The following MAP2 variants were observed in gnomAD, a reference collection of about 807,000 sequenced individuals.
MAP2 encodes microtubule associated protein 2.
A neutral mutation model predicts 137.6 loss-of-function variants in MAP2; 14 were observed. That is an observed-to-expected ratio of 0.10 (90% confidence interval 0.07 to 0.16). The LOEUF is 0.16. MAP2 is among the 10% of genes least tolerant of loss of function. The pLI, the probability that MAP2 is intolerant of heterozygous loss-of-function variation, is 1.00. For synonymous variants in MAP2, 786 were observed against 782.3 expected (o/e 1.00, Z -0.08); for missense variants, 2,088 against 2,191.5 (o/e 0.95, Z 0.94).
At chr2:209,560,389 A>T (rs530759051) in intron 2 of MAP2, among the ~76,000 whole-genome samples, 1 of 152,204 alleles carries the variant, frequency 6.6e-6, no homozygotes, top group Admixed American at 6.5e-5. Context: ...AAGATTTTTT[A>T]AAATTGCAAA....
chr2:209,458,556 T>G (rs538933379), intron 1 of MAP2, among the ~76,000 whole-genome samples: 1 of 152,132 alleles, frequency 6.6e-6, no homozygotes, highest in African/African-American at 2.4e-5. Flanking sequence ...TATTGAGAGA[T>G]AGTTGAGACT....
intron 2 of MAP2, among the ~76,000 whole-genome samples, chr2:209,537,524 G>A (rs2066162629): frequency 6.6e-6 from 1 of 152,104 alleles, no homozygotes; most frequent in Admixed American, 6.5e-5. Context: ...TCTGGATAAT[G>A]CAATTAATTA....
chr2:209,546,861 T>C (rs2068178093), intron 2 of MAP2, among the ~76,000 whole-genome samples: 1 of 152,186 alleles, frequency 6.6e-6, no homozygotes, highest in African/African-American at 2.4e-5. Context: ...GTATTGTCTT[T>C]GAGTAAAACA....
rs924017479 is a variant in MAP2 at position 209,710,224 on chromosome 2, C to A, written c.5043C>A (p.Asp1681Glu). The part of the protein sequence containing the change: ...KNVKSKIGST[D>E]NIKYQPKGGQ... ...TCAAATCCAAAATCGGATCAACAGACAACATCAAATACCAGCCTAAAGGGG... is the reference window on the plus strand; with the variant it reads ...TCAAATCCAAAATCGGATCAACAGAAAACATCAAATACCAGCCTAAAGGGG... Residue 1681 changes from aspartate (D) to glutamate (E), a missense_variant, in exon 13 of 16, where the codon GAC becomes GAA. Coordinates refer to ENST00000682079, the MANE Select transcript of MAP2 (RefSeq NM_001375505.1). The A allele has an allele frequency of 1.9e-6, 3 of 1,593,372 alleles. No individual in the cohort carries two copies. The South Asian group carries it at 3.4e-5, about 18-fold the overall frequency.
At chr2:209,457,673 G>A (rs768308184) in intron 1 of MAP2, among the ~76,000 whole-genome samples, 13 of 152,120 alleles carry the variant, frequency 8.5e-5, no homozygotes, top group Non-Finnish European at 1.3e-4. Flanking sequence ...GTACTTCATA[G>A]GATTGTTGGA....
At chr2:209,625,706 C>G (rs936965527) in intron 4 of MAP2, among the ~76,000 whole-genome samples, 1 of 152,030 alleles carries the variant, frequency 6.6e-6, no homozygotes, top group Non-Finnish European at 1.5e-5. Context: ...TCAGACTTTC[C>G]TACATTTTGA....
intron 3 of MAP2, among the ~76,000 whole-genome samples, chr2:209,582,327 A>T (rs112326075): frequency 3.9e-5 from 6 of 152,102 alleles, no homozygotes; most frequent in African/African-American, 1.4e-4. Flanking sequence ...CAAACCATGT[A>T]TAGAAATTTC....
intron 2 of MAP2, among the ~76,000 whole-genome samples, chr2:209,513,691 G>A (rs896516470): frequency 1.3e-5 from 2 of 151,952 alleles, no homozygotes; most frequent in African/African-American, 4.8e-5. Flanking sequence ...CTTCCAGTGG[G>A]TAGTATTTTT....
intron 5 of MAP2, among the ~76,000 whole-genome samples, chr2:209,654,407 C>T (rs1166720737): frequency 6.6e-6 from 1 of 151,990 alleles, no homozygotes; most frequent in East Asian, 1.9e-4. Context: ...GTGCAGTGCC[C>T]CACAGGCACA....
At chr2:209,516,400 G>T (rs545829453) in intron 2 of MAP2, among the ~76,000 whole-genome samples, 1 of 152,056 alleles carries the variant, frequency 6.6e-6, no homozygotes, top group South Asian at 2.1e-4. Flanking sequence ...TAGCTCTCTG[G>T]TACAATACTA....
chr2:209,466,936 TC>T (rs1704276681), intron 1 of MAP2, among the ~76,000 whole-genome samples: 2 of 152,190 alleles, frequency 1.3e-5, no homozygotes, highest in African/African-American at 4.8e-5. Context: ...TACTAACATT[TC>T]CAGTTGCCCA....
At chr2:209,692,538 CATTT>C (rs1355558480) in intron 7 of MAP2, 83 bp from the exon 8 acceptor site, 24 of 1,421,020 alleles carry the variant, frequency 1.7e-5, no homozygotes, top group African/African-American at 1.3e-4. Flanking sequence ...TTCTACCATT[CATTT>C]ATCACTTCAA....
At chr2:209,661,163 G>A (rs538414562) in intron 5 of MAP2, among the ~76,000 whole-genome samples, 5 of 152,130 alleles carry the variant, frequency 3.3e-5, no homozygotes, top group Non-Finnish European at 5.9e-5. Flanking sequence ...TTCAATCTCA[G>A]AAGATTCAAA....
At chr2:209,600,516 A>C (rs1041668474) in intron 3 of MAP2, among the ~76,000 whole-genome samples, 1 of 152,174 alleles carries the variant, frequency 6.6e-6, no homozygotes, top group African/African-American at 2.4e-5. Context: ...TACCATCAGC[A>C]CATATTCGGG....
chr2:209,565,857 C>T (rs928860461), intron 2 of MAP2, among the ~76,000 whole-genome samples: 1 of 152,158 alleles, frequency 6.6e-6, no homozygotes, highest in African/African-American at 2.4e-5. Context: ...GTTATTTGCT[C>T]ATCGGGTCTC....
intron 2 of MAP2, among the ~76,000 whole-genome samples, chr2:209,514,320 A>T (rs546273575): frequency 6.6e-5 from 10 of 152,142 alleles, no homozygotes; most frequent in South Asian, 6.2e-4. Context: ...CTTTGGGGTG[A>T]TTATTGTTTA....
At chr2:209,454,736 A>G (rs749254143) in intron 1 of MAP2, among the ~76,000 whole-genome samples, 1 of 152,218 alleles carries the variant, frequency 6.6e-6, no homozygotes, top group Non-Finnish European at 1.5e-5. Context: ...TATTATGTAA[A>G]TATATGATAA....
chr2:209,698,397 C>G (rs887844594), intron 10 of MAP2, among the ~76,000 whole-genome samples: 1 of 152,154 alleles, frequency 6.6e-6, no homozygotes, highest in African/African-American at 2.4e-5. Context: ...TACAAAATGA[C>G]AGATTGCTAA....
chr2:209,486,031 A>G (rs1278263625), intron 1 of MAP2, among the ~76,000 whole-genome samples: 1 of 152,212 alleles, frequency 6.6e-6, no homozygotes, highest in Non-Finnish European at 1.5e-5. Flanking sequence ...TCTTCATAGC[A>G]GTCATCATTC....
Sources: gnomAD v4.1 joint callset for allele counts (sites outside exome capture counted in the v4.1 genomes callset) on GRCh38, gnomAD v4.1.1 for gene constraint, MANE v1.5 for transcripts, NCBI Gene and HGNC (gene_info 2026-07-23, HGNC 2026-07-21) for gene names.